The following CPSF6 variants were observed in gnomAD, a reference collection of about 807,000 sequenced individuals.
CPSF6 encodes the protein cleavage and polyadenylation specificity factor subunit 6.
Under a neutral mutation model 56.7 loss-of-function variants are expected in CPSF6, and 10 were observed. That is an observed-to-expected ratio of 0.18 (90% confidence interval 0.11 to 0.30). The LOEUF (loss-of-function observed/expected upper bound fraction) is 0.30, where lower values mean the gene tolerates loss of function less well. CPSF6 is among the 10% of genes least tolerant of loss of function. The pLI, the probability that CPSF6 is intolerant of heterozygous loss-of-function variation, is 1.00. For synonymous variants in CPSF6, 248 were observed against 244.8 expected (o/e 1.01, Z -0.12); for missense variants, 419 against 722.9 (o/e 0.58, Z 4.82).
At chr12:69,252,750 T>C (rs1489478600) in intron 2 of CPSF6, among the ~76,000 whole-genome samples, 1 of 152,200 alleles carries the variant, frequency 6.6e-6, no homozygotes, top group Non-Finnish European at 1.5e-5. Context: ...TATTCACAAT[T>C]TAAAATCATA....
Position 69,272,894 on chromosome 12 carries a change from G to GTGTT in CPSF6, c.*3389_*3390insTTGT. ...AGTGTGTGTGTGTGTGTGTGTGTGT[G>GTGTT]TGTATGCGTTTTTTTAACCTTAACT... On this transcript the variant is annotated 3_prime_UTR_variant, in exon 10 of 10. Transcript: ENST00000435070. The GTGTT allele has an allele frequency of 4.6e-6, 1 of 218,908 alleles. No homozygotes were observed. 13.6% of individuals were successfully genotyped at this position (218,908 alleles called of 1,614,324 possible). A position where few individuals can be genotyped will look rare whatever the true frequency, so the allele number is the denominator to read the frequency against.
intron 2 of CPSF6, 115 bp from the exon 3 acceptor site, chr12:69,252,936 G>T (rs759530494): frequency 3.3e-6 from 2 of 608,014 alleles, no homozygotes; most frequent in Non-Finnish European, 5.7e-6. Context: ...ACTTAGATTT[G>T]CACTCAGCAT....
chr12:69,268,645 C>G (rs528324915), intron 9 of CPSF6, among the ~76,000 whole-genome samples: 5 of 151,756 alleles, frequency 3.3e-5, no homozygotes, highest in Admixed American at 2.6e-4. Flanking sequence ...TTTATACTTT[C>G]ATTACCGACT....
intron 1 of CPSF6, among the ~76,000 whole-genome samples, chr12:69,240,478 G>A (rs1340137873): frequency 6.6e-6 from 1 of 152,268 alleles, no homozygotes; most frequent in African/African-American, 2.4e-5. Context: ...TGGCCTTTGT[G>A]ATGAAAATAC....
At position 69,272,626 on chromosome 12, in the gene CPSF6, C is replaced by T. The variant is rs1461596530; in HGVS notation, c.*3118C>T. ...TCCAATTTTGTGTTTTAAGCTTCAGCTTAAGAGGAAGTTTATGTTCTAATT... is the reference window on the plus strand; with the variant it reads ...TCCAATTTTGTGTTTTAAGCTTCAGTTTAAGAGGAAGTTTATGTTCTAATT... On this transcript the variant is annotated 3_prime_UTR_variant, in exon 10 of 10. Coordinates refer to ENST00000435070, the MANE Select transcript of CPSF6 (RefSeq NM_007007.3). 1 of 151,696 alleles carries T rather than the reference C, an allele frequency of 6.6e-6. No homozygotes were observed. 9.4% of individuals were successfully genotyped at this position (151,696 alleles called of 1,614,324 possible).
chr12:69,259,754 T>G (rs1203946469), intron 7 of CPSF6, among the ~76,000 whole-genome samples: 2 of 152,208 alleles, frequency 1.3e-5, no homozygotes, highest in African/African-American at 4.8e-5. Context: ...TTGGTATAGA[T>G]TTAAGTCTTA....
chr12:69,240,416 G>A (rs1362788693), intron 1 of CPSF6, among the ~76,000 whole-genome samples: 1 of 152,200 alleles, frequency 6.6e-6, no homozygotes, highest in Non-Finnish European at 1.5e-5. Flanking sequence ...TCGGTGCGCT[G>A]GTCCTGCCTC....
rs1343975503 is a variant in CPSF6, at chr12:69,273,625, T to C, written c.*4117T>C. ...TGAAAGTGTGTTCTTTTTGTCGCAC[T>C]GTTACTGCGTAACACTTCTCAACAT... On this transcript the variant is annotated 3_prime_UTR_variant, in exon 10 of 10. Transcript: ENST00000435070. 1 of 152,094 alleles carries C rather than the reference T, an allele frequency of 6.6e-6. No homozygotes were observed. Among genetic ancestry groups the C allele is most frequent in the Non-Finnish European group, 1.5e-5 (1 of 67,924 alleles). 9.4% of individuals were successfully genotyped at this position (152,094 alleles called of 1,614,324 possible).
At position 69,256,635 on chromosome 12, in the gene CPSF6, A is replaced by G. The variant is rs1592803135; in HGVS notation, c.375-62A>G. Reference sequence around the variant, plus strand: ...GCAGATTAAGACCTTTTTACAGAAGAATAACAGTAATAATATTGATCTCTT... The same window carrying G: ...GCAGATTAAGACCTTTTTACAGAAGGATAACAGTAATAATATTGATCTCTT... On this transcript the variant is annotated intron_variant, in intron 3 of 9. Transcript: ENST00000435070. 5.4e-6 allele frequency: 8 copies of G among 1,480,516 alleles called. No individual in the cohort carries two copies. The East Asian group carries it at 1.6e-4, about 30-fold the overall frequency. 91.7% of individuals were successfully genotyped at this position (1,480,516 alleles called of 1,614,324 possible).
At chr12:69,262,974 A>C (rs1004631952) in intron 9 of CPSF6, among the ~76,000 whole-genome samples, 1 of 152,160 alleles carries the variant, frequency 6.6e-6, no homozygotes, top group Non-Finnish European at 1.5e-5. Context: ...ATGGAAAGTT[A>C]CTATTTTTGA....
rs1185211658 is a variant in CPSF6, at chr12:69,272,276, G to A, written c.*2768G>A. 5.9e-5 allele frequency: 9 copies of A among 151,374 alleles called. No homozygotes were observed. The highest frequency in any genetic ancestry group is 8.9e-5 in the Non-Finnish European group (6 of 67,548). The allele number at this position is 151,374 out of a possible 1,614,324, so 9.4% of individuals were successfully genotyped here. ...TTCTTAAGCAGTTAATGACAATTTG[G>A]AATACACAGATAACTTGTAGCTTAA... On this transcript the variant is annotated 3_prime_UTR_variant, in exon 10 of 10. Coordinates refer to ENST00000435070, the MANE Select transcript of CPSF6 (RefSeq NM_007007.3).
chr12:69,252,853 T>C (rs1478979431), intron 2 of CPSF6, among the ~76,000 whole-genome samples, 198 bp from the exon 3 acceptor site: 5 of 152,320 alleles, frequency 3.3e-5, no homozygotes, highest in Middle Eastern at 3.4e-3. Context: ...GAAATACTTA[T>C]CAGGGAATGA....
At chr12:69,248,033 A>G (rs1872006932) in intron 1 of CPSF6, among the ~76,000 whole-genome samples, 1 of 152,258 alleles carries the variant, frequency 6.6e-6, no homozygotes, top group South Asian at 2.1e-4. Context: ...GAAGCAGTAC[A>G]ACTACCAGAC....
chr12:69,260,213 C>T lies in CPSF6; in HGVS notation c.1469+16C>T. On this transcript the variant is annotated intron_variant, in intron 8 of 9. Coordinates refer to ENST00000435070, the MANE Select transcript of CPSF6 (RefSeq NM_007007.3). ...CTGGATCAAGGTAAAACTTTCCTGT[C>T]TCATTTCCATTTAAAAAAACTGTTA... 1.3e-6 allele frequency: 2 copies of T among 1,526,304 alleles called. No individual in the cohort carries two copies. The highest frequency in any genetic ancestry group is 1.8e-6 in the Non-Finnish European group (2 of 1,138,394). 94.5% of individuals were successfully genotyped at this position (1,526,304 alleles called of 1,614,324 possible).
chr12:69,265,598 C>CT lies in CPSF6; in HGVS notation c.*3+3057dup, dbSNP rs56097101. ...ATAACTTGCCTTTGCTATCTGATTA[C>CT]TTTTTTTTTTTTTTTTTTTTTGAGA... On this transcript the variant is annotated intron_variant, in intron 9 of 9. Transcript: ENST00000435070. Among the ~76,000 whole-genome samples, 308 of 99,762 alleles carry CT rather than the reference C, an allele frequency of 3.1e-3. 3 individuals carry two copies. Among genetic ancestry groups the CT allele is most frequent in the Middle Eastern group, 4.5e-3 (1 of 220 alleles). 65.4% of individuals were successfully genotyped at this position (99,762 alleles called of 152,430 possible).
At chr12:69,252,624 A>G (rs1490603271) in intron 2 of CPSF6, among the ~76,000 whole-genome samples, 1 of 152,232 alleles carries the variant, frequency 6.6e-6, no homozygotes, top group Non-Finnish European at 1.5e-5. Flanking sequence ...TAGTTGATAC[A>G]TAAAGTATAT....
At position 69,270,138 on chromosome 12, in the gene CPSF6, AT is replaced by A. The variant is rs1873176370; in HGVS notation, c.*634del. On this transcript the variant is annotated 3_prime_UTR_variant, in exon 10 of 10. Coordinates refer to ENST00000435070, the MANE Select transcript of CPSF6 (RefSeq NM_007007.3). ...AGTAATTAAGTGTCTTTTGCCCTTG[AT>A]TTTGATATTAGAATAGGTGATTACA... is the stretch of plus-strand genomic sequence containing the variant. The A allele has an allele frequency of 6.6e-6, 1 of 152,124 alleles. No individual in the cohort carries two copies. Among genetic ancestry groups the A allele is most frequent in the South Asian group, 2.1e-4 (1 of 4,826 alleles). 9.4% of individuals were successfully genotyped at this position (152,124 alleles called of 1,614,324 possible). A position where few individuals can be genotyped will look rare whatever the true frequency, so the allele number is the denominator to read the frequency against.
At chr12:69,255,991 A>T (rs1473440137) in intron 3 of CPSF6, among the ~76,000 whole-genome samples, 1 of 152,236 alleles carries the variant, frequency 6.6e-6, no homozygotes, top group Non-Finnish European at 1.5e-5. Context: ...ATGTCCATGA[A>T]CTGATGGATA....
At position 69,257,817 on chromosome 12, in the gene CPSF6, A is replaced by T; in HGVS notation, c.606A>T (p.Arg202Ser). The change falls in exon 5 of 10, where the codon AGA becomes AGT. Residue 202 changes from arginine to serine, a missense_variant. By Grantham distance (110) the Arg-to-Ser change is moderately radical. This residue lies in a region of CPSF6 where 211 missense variants were observed against 296.0 expected (regional missense o/e 0.71). Coordinates refer to ENST00000435070, the MANE Select transcript of CPSF6 (RefSeq NM_007007.3). The stretch of plus-strand genomic sequence containing the variant: ...GTGCAGCATTTCCACAAGGTGGTAG[A>T]GGACGGGGCCGTTTTCCAGGGGCTG... ...SSRAAFPQGG[R>S]GRGRFPGAVP... The T allele has an allele frequency of 6.2e-7, 1 of 1,613,362 alleles. No homozygotes were observed. The highest frequency in any genetic ancestry group is 8.5e-7 in the Non-Finnish European group (1 of 1,179,834).
Sources: gnomAD v4.1 joint callset for allele counts (sites outside exome capture counted in the v4.1 genomes callset) on GRCh38, gnomAD v4.1.1 for gene constraint, gnomAD v4.1.1 regional missense constraint, MANE v1.5 for transcripts, NCBI Gene and HGNC (gene_info 2026-07-23, HGNC 2026-07-21) for gene names.